The following PRCP variants were observed in gnomAD, a reference collection of about 807,000 sequenced individuals.
The protein encoded by PRCP is lysosomal Pro-X carboxypeptidase.
In PRCP, 46 loss-of-function variants were observed where a neutral mutation model predicts 54.2. The ratio of observed to expected loss-of-function variants is 0.85; its 90% CI spans 0.67 to 1.09. The LOEUF (loss-of-function observed/expected upper bound fraction) is 1.09. Among genes scored for constraint, PRCP ranks in the 50% least tolerant of loss-of-function variants. PRCP has a pLI of 0.00. For missense variants in PRCP, 613 were observed against 596.8 expected (o/e 1.03, Z -0.28); for synonymous variants, 240 against 212.2 (o/e 1.13, Z -1.14).
intron 5 of PRCP, 141 bp from the exon 6 acceptor site, chr11:82,849,359 G>A: frequency 1.1e-6 from 1 of 927,226 alleles, no homozygotes; most frequent in Non-Finnish European, 1.6e-6. Context: ...AGCAACTGGA[G>A]AATCCCATGA....
chr11:82,884,170 T>G (rs775693530), intron 1 of PRCP, among the ~76,000 whole-genome samples: 11 of 152,246 alleles, frequency 7.2e-5, no homozygotes, highest in Non-Finnish European at 1.3e-4. Flanking sequence ...TCACAGCCAT[T>G]GTTTGGGTTG....
chr11:82,901,294 G>A (rs753274616), upstream of PRCP, among the ~76,000 whole-genome samples: 4 of 151,622 alleles, frequency 2.6e-5, no homozygotes, highest in Non-Finnish European at 4.4e-5. Context: ...TTTCTTCTCC[G>A]GCACCCGAAA....
At chr11:82,894,819 A>T (rs188544596) in intron 1 of PRCP, among the ~76,000 whole-genome samples, 35 of 152,364 alleles carry the variant, frequency 2.3e-4, no homozygotes, top group South Asian at 1.4e-3. Context: ...TGTTATCAAG[A>T]GAAGAAGGTA....
At chr11:82,867,015 C>A (rs1859353802) in intron 1 of PRCP, among the ~76,000 whole-genome samples, 1 of 152,190 alleles carries the variant, frequency 6.6e-6, no homozygotes, top group Non-Finnish European at 1.5e-5. Flanking sequence ...AGCCACCGCG[C>A]CCGGCCATAG....
chr11:82,844,463 G>A (rs888662856), intron 6 of PRCP, among the ~76,000 whole-genome samples: 2 of 151,694 alleles, frequency 1.3e-5, no homozygotes, highest in Admixed American at 6.6e-5. Context: ...GAGGCCGGGC[G>A]CGGTGGCTCA....
intron 1 of PRCP, among the ~76,000 whole-genome samples, chr11:82,877,863 T>C (rs971302480): frequency 1.3e-5 from 2 of 152,090 alleles, no homozygotes; most frequent in Admixed American, 6.5e-5. Flanking sequence ...ATCCTCCAGA[T>C]CCCAGAATGG....
chr11:82,890,839 T>C (rs1350971687), intron 1 of PRCP, among the ~76,000 whole-genome samples: 1 of 152,240 alleles, frequency 6.6e-6, no homozygotes, highest in Non-Finnish European at 1.5e-5. Flanking sequence ...GAAATGCTTT[T>C]TTCATTAAGT....
intron 6 of PRCP, among the ~76,000 whole-genome samples, chr11:82,848,442 G>C (rs1858862375): frequency 7.0e-6 from 1 of 142,108 alleles, no homozygotes; most frequent in African/African-American, 2.5e-5. Context: ...CTTCTACAGA[G>C]GAAGACGGGA....
chr11:82,875,272 C>A (rs1303426523), intron 1 of PRCP, among the ~76,000 whole-genome samples: 1 of 152,214 alleles, frequency 6.6e-6, no homozygotes, highest in Non-Finnish European at 1.5e-5. Context: ...GGCCTTACTA[C>A]ATCAATGACT....
Position 82,860,077 on chromosome 11 carries a change from T to C in PRCP, c.209A>G (p.Gln70Arg), listed in dbSNP as rs1334289087. ...FGFNTVKTFN[Q>R]RYLVADKYWK... The stretch of plus-strand genomic sequence containing the variant: ...GTATTTATCAGCTACTAGGTACCGC[T>C]GATTAAAAGTTTTCACAGTATTAAA... The change falls in exon 2 of 9, where the codon CAG (glutamine) becomes CGG (arginine). Residue 70 changes from glutamine (Q) to arginine (R), a missense_variant. Coordinates refer to ENST00000313010, the MANE Select transcript of PRCP (RefSeq NM_005040.4). 2 of 1,567,178 alleles carry C rather than the reference T, an allele frequency of 1.3e-6. No individual in the cohort carries two copies. The highest frequency in any genetic ancestry group is 1.7e-6 in the Non-Finnish European group (2 of 1,155,846).
intron 2 of PRCP, chr11:82,858,659 C>T (rs566238689): frequency 1.3e-5 from 2 of 152,266 alleles, no homozygotes; most frequent in African/African-American, 2.4e-5. Context: ...CTGGAAAAAT[C>T]ACTGGACAGG....
intron 1 of PRCP, among the ~76,000 whole-genome samples, chr11:82,884,422 A>G (rs1352630373): frequency 6.6e-6 from 1 of 152,056 alleles, no homozygotes; most frequent in Non-Finnish European, 1.5e-5. Flanking sequence ...AGCCAGGCAT[A>G]ATGGTCATAC....
chr11:82,878,858 T>C (rs1270005060), intron 1 of PRCP, among the ~76,000 whole-genome samples: 1 of 152,248 alleles, frequency 6.6e-6, no homozygotes, highest in Non-Finnish European at 1.5e-5. Flanking sequence ...TTAAGAAGGT[T>C]GAGTGTTGGC....
At chr11:82,869,470 G>A (rs1419313106) in intron 1 of PRCP, among the ~76,000 whole-genome samples, 1 of 151,848 alleles carries the variant, frequency 6.6e-6, no homozygotes, top group Admixed American at 6.6e-5. Flanking sequence ...GAAGGGAAAG[G>A]AGGAAGGAAA....
chr11:82,859,936 A>G lies in PRCP; in HGVS notation c.309+41T>C, dbSNP rs1290509113. On this transcript the variant is annotated intron_variant, in intron 2 of 8. Coordinates refer to ENST00000313010, the MANE Select transcript of PRCP (RefSeq NM_005040.4). Reference sequence around the variant, plus strand: ...CATTTCTTCCAAGTTATCATAATAAAAGTCAAATTGAGCACTGGAATTTCA... The same window carrying G: ...CATTTCTTCCAAGTTATCATAATAAGAGTCAAATTGAGCACTGGAATTTCA... The G allele has an allele frequency of 5.9e-6, 9 of 1,517,870 alleles. No homozygotes were observed. The Admixed American group carries it at 1.7e-4, about 29-fold the overall frequency. The allele number at this position is 1,517,870 out of a possible 1,614,324, so 94.0% of individuals were successfully genotyped here.
chr11:82,887,059 A>G (rs1404515573), intron 1 of PRCP, among the ~76,000 whole-genome samples: 1 of 152,178 alleles, frequency 6.6e-6, no homozygotes, highest in Non-Finnish European at 1.5e-5. Flanking sequence ...AGTTCCTCCA[A>G]CACAGCCTGG....
intron 1 of PRCP, among the ~76,000 whole-genome samples, chr11:82,870,259 C>G (rs1231860750): frequency 6.6e-6 from 1 of 152,136 alleles, no homozygotes; most frequent in Non-Finnish European, 1.5e-5. Flanking sequence ...TTGATTTGAT[C>G]AATGTGTAAA....
At chr11:82,825,150 A>T (rs751501414) in intron 8 of PRCP, 28 bp from the exon 9 acceptor site, 2 of 1,578,580 alleles carry the variant, frequency 1.3e-6, no homozygotes, top group South Asian at 2.3e-5. Context: ...AAGAAAAAAT[A>T]AAGTTGTTAG....
In PRCP at chr11:82,850,515, T is replaced by C; in HGVS notation, c.412-10A>G. 1 of 1,551,954 alleles carries C rather than the reference T, an allele frequency of 6.4e-7. No homozygotes were observed. The highest frequency in any genetic ancestry group is 2.4e-5 in the East Asian group (1 of 42,316). On this transcript the variant is annotated splice_polypyrimidine_tract_variant and intron_variant, in intron 3 of 8. Coordinates refer to ENST00000313010, the MANE Select transcript of PRCP (RefSeq NM_005040.4). ...TCAAGTGTCTGGAATCCTAAAGAAA[T>C]ATAACAAAGAACACGGGTATAAATG... is the stretch of plus-strand genomic sequence containing the variant.
Sources: gnomAD v4.1 joint callset for allele counts (sites outside exome capture counted in the v4.1 genomes callset) on GRCh38, gnomAD v4.1.1 for gene constraint, MANE v1.5 for transcripts, NCBI Gene and HGNC (gene_info 2026-07-23, HGNC 2026-07-21) for gene names.